Variants in WDR90 observed in about 807,000 individuals in gnomAD.
WDR90 encodes WD repeat domain 90.
A neutral mutation model predicts 195.2 loss-of-function variants in WDR90; 238 were observed. The ratio of observed to expected loss-of-function variants is 1.22; its 90% confidence interval spans 1.10 to 1.36. The LOEUF (loss-of-function observed/expected upper bound fraction) is 1.36, where lower values mean the gene tolerates loss of function less well. Ranked by LOEUF, WDR90 falls within the 40% of genes most tolerant of loss-of-function variation. The probability of loss-of-function intolerance (pLI) is 0.00; values close to 1 mark genes in which losing one functional copy is unlikely to be tolerated. For synonymous variants in WDR90, 1,265 were observed against 1,052.4 expected, an observed-to-expected ratio of 1.20 and a Z score of -3.91; for missense variants, 2,734 against 2,439.5, an observed-to-expected ratio of 1.12 and a Z score of -2.54.
chr16:661,845 G>A (rs1214763942), intron 31 of WDR90, 46 bp from the exon 32 acceptor site: 11 of 1,591,382 alleles, frequency 6.9e-6, no homozygotes, highest in Non-Finnish European at 9.4e-6. Context: ...AATCTGCCTG[G>A]GCCCCGGGAC....
intron 26 of WDR90, among the ~76,000 whole-genome samples, chr16:659,720 C>T (rs1187086332): frequency 6.6e-6 from 1 of 152,222 alleles, no homozygotes; most frequent in Non-Finnish European, 1.5e-5. Context: ...AGGAGGCTGG[C>T]AGGGCTGGAG....
At chr16:660,945 C>T (rs2037885351) in intron 28 of WDR90, 106 bp from the exon 29 acceptor site, 1 of 580,700 alleles carries the variant, frequency 1.7e-6, no homozygotes, top group Non-Finnish European at 2.2e-6. Flanking sequence ...TGGCCCCGCC[C>T]CACGGCTCGG....
In WDR90 at chr16:666,136, G is replaced by C. The variant is rs1304092706; in HGVS notation, c.4609+12G>C. The C allele has an allele frequency of 6.2e-7, 1 of 1,608,060 alleles. No homozygotes were observed. The highest frequency in any genetic ancestry group is 1.7e-5 in the Admixed American group (1 of 59,906). ...CTTCTCCACCGATGGTGAGGAGTTG[G>C]GTGTGTTGGGGATGGTGCCGTCCTG... On this transcript the variant is annotated intron_variant, in intron 36 of 40. Coordinates refer to ENST00000293879, the MANE Select transcript of WDR90 (RefSeq NM_145294.5).
chr16:655,276 T>C (rs1388990240), intron 14 of WDR90, 31 bp from the exon 15 acceptor site: 1 of 1,609,286 alleles, frequency 6.2e-7, no homozygotes, highest in Non-Finnish European at 8.5e-7. Context: ...CGCTGCGAGC[T>C]GCGGCAGTGC....
rs1218319399 is a variant in WDR90, at chr16:650,667, C to A, written c.517C>A (p.Leu173Met). ...LKSIRLCASL[L>M]VRNLYTSDLC... ...GAGCATCAGGCTGTGCGCCAGCCTG[C>A]TGGTCAGGAACCTGTACACCAGTGA... is the stretch of plus-strand genomic sequence containing the variant. Residue 173 changes from leucine to methionine, a missense_variant, in exon 5 of 41, where the codon CTG (leucine) becomes ATG (methionine). Leu to Met is a conservative substitution (Grantham distance 15). Transcript: ENST00000293879. 6.2e-7 allele frequency: 1 copy of A among 1,612,578 alleles called. No homozygotes were observed. Among genetic ancestry groups the A allele is most frequent in the African/African-American group, 1.3e-5 (1 of 75,054 alleles).
In WDR90 at chr16:665,998, C is replaced by T. The variant is rs770024500; in HGVS notation, c.4483C>T (p.Gln1495Ter). The change falls in exon 36 of 41, where the codon CAG becomes TAG. Residue 1495 changes from glutamine (Q) to a stop codon, truncating the protein, a stop_gained. Transcript: ENST00000293879. LOFTEE classifies it high-confidence loss of function. ...CCCCCCGTGCTGTGGCCGCCCTGAG[C>T]AGCAGCGGCTAGCGGCTGGCTACGG... ...WSPPCCGRPE[Q>*]QRLAAGYGDG... The T allele has an allele frequency of 5.6e-6, 9 of 1,603,758 alleles. No individual in the cohort carries two copies. In the Admixed American group the frequency reaches 1.3e-4, roughly 24 times the overall value.
chr16:657,198 A>G lies in WDR90; in HGVS notation c.2450A>G (p.Gln817Arg), dbSNP rs1487597349. ...SLAQYSCADP[Q>R]WHVLRVAADM... ...GCCCAGTACAGCTGTGCGGACCCCCAGTGGCATGTCCTCCGAGTGGCAGGT... is the reference window on the plus strand; with the variant it reads ...GCCCAGTACAGCTGTGCGGACCCCCGGTGGCATGTCCTCCGAGTGGCAGGT... Residue 817 changes from glutamine (Q) to arginine (R), a missense_variant, in exon 20 of 41, where the codon CAG (glutamine) becomes CGG (arginine). Gln to Arg is a conservative substitution (Grantham distance 43). Coordinates refer to ENST00000293879, the MANE Select transcript of WDR90 (RefSeq NM_145294.5). 1.9e-6 allele frequency: 3 copies of G among 1,553,556 alleles called. No homozygotes were observed. The highest frequency in any genetic ancestry group is 3.8e-5 in the Admixed American group (2 of 51,954).
intron 7 of WDR90, 143 bp downstream of exon 7, chr16:651,409 C>A: frequency 1.7e-6 from 2 of 1,149,058 alleles, no homozygotes; most frequent in Non-Finnish European, 2.5e-6. Context: ...GTAGGTTGTC[C>A]GAGTTCCCAG....
rs781497408 is a variant in WDR90 at position 650,611 on chromosome 16, T to C, written c.461T>C (p.Val154Ala). Residue 154 changes from valine to alanine, a missense_variant, in exon 5 of 41, where the codon GTC (valine) becomes GCC (alanine). By Grantham distance (64) the Val-to-Ala change is moderately conservative (BLOSUM62 0). Coordinates refer to ENST00000293879, the MANE Select transcript of WDR90 (RefSeq NM_145294.5). ...CTCGATCTGCAGGACGTTCTCCTGG[T>C]CTACCTGAACCGGTGCTACGGCCAT... ...LQLDLQDVLL[V>A]YLNRCYGHLK... 1.2e-6 allele frequency: 2 copies of C among 1,612,638 alleles called. No homozygotes were observed. Among genetic ancestry groups the C allele is most frequent in the Non-Finnish European group, 1.7e-6 (2 of 1,179,946 alleles).
chr16:665,429 G>C, intron 34 of WDR90: 1 of 609,254 alleles, frequency 1.6e-6, no homozygotes, highest in Admixed American at 2.9e-5. Flanking sequence ...TGTCAGAACA[G>C]CTTTCTCCTC....
Position 666,482 on chromosome 16 carries a change from G to A in WDR90, c.4768G>A (p.Asp1590Asn). The change falls in exon 38 of 41, where the codon GAC (aspartate) becomes AAC (asparagine). Residue 1590 changes from aspartate to asparagine, a missense_variant. Coordinates refer to ENST00000293879, the MANE Select transcript of WDR90 (RefSeq NM_145294.5). Reference protein sequence around the residue: ...ECEDLGVEGTDLWLAASGDQR... With the variant: ...ECEDLGVEGTNLWLAASGDQR... ...TGAAGACTTAGGGGTGGAGGGCACA[G>A]ACCTATGGCTGGCTGCCAGTGGGGA... is the stretch of plus-strand genomic sequence containing the variant. 2 of 1,612,678 alleles carry A rather than the reference G, an allele frequency of 1.2e-6. No homozygotes were observed. The highest frequency in any genetic ancestry group is 2.2e-5 in the South Asian group (2 of 91,062).
intron 26 of WDR90, 30 bp downstream of exon 26, chr16:659,406 G>A (rs1395601323): frequency 1.3e-6 from 2 of 1,580,886 alleles, no homozygotes; most frequent in Admixed American, 1.8e-5. Flanking sequence ...GAGGAGTGGG[G>A]GGATTCGGGG....
At position 650,979 on chromosome 16, in the gene WDR90, A is replaced by G. The variant is rs769477648; in HGVS notation, c.560-16A>G. 1.9e-6 allele frequency: 3 copies of G among 1,612,454 alleles called. No homozygotes were observed. The highest frequency in any genetic ancestry group is 2.5e-6 in the Non-Finnish European group (3 of 1,179,680). ...AAACAGCCTCCCTTGACCTGGAACAACCCTGCTCCTTGTAGCCATCTCTGG... is the reference window on the plus strand; with the variant it reads ...AAACAGCCTCCCTTGACCTGGAACAGCCCTGCTCCTTGTAGCCATCTCTGG... On this transcript the variant is annotated splice_polypyrimidine_tract_variant and intron_variant, in intron 5 of 40. Transcript: ENST00000293879.
chr16:650,848 G>T, intron 5 of WDR90, 139 bp downstream of exon 5: 2 of 1,474,294 alleles, frequency 1.4e-6, no homozygotes, highest in Non-Finnish European at 1.8e-6. Context: ...CCATCCCAGA[G>T]GCAGCCCTGG....
chr16:650,021 A>T lies in WDR90; in HGVS notation c.133A>T (p.Ile45Phe). Residue 45 changes from isoleucine to phenylalanine, a missense_variant, in exon 3 of 41, where the codon ATT becomes TTT. Physicochemically the swap from Ile to Phe is conservative, Grantham distance 21. Transcript: ENST00000293879. ...GACCCTGAAGGGCGCCGTGTATCGC[A>T]TTCGGGGCTCAGTCTCTGCCGCCAA... is the stretch of plus-strand genomic sequence containing the variant. ...DKTLKGAVYR[I>F]RGSVSAANYI... 1 of 1,612,818 alleles carries T rather than the reference A, an allele frequency of 6.2e-7. No homozygotes were observed. Among genetic ancestry groups the T allele is most frequent in the Non-Finnish European group, 8.5e-7 (1 of 1,179,968 alleles).
In WDR90 at chr16:656,532, C is replaced by T. The variant is rs1284851998; in HGVS notation, c.2197C>T (p.Gln733Ter). ...CCGCATCTGGGACCTGGCCACCCTG[C>T]AGCAGGTGGGGTTTGGCAGGGGCAG... The part of the protein sequence containing the change: ...TVRIWDLATL[Q>*]QLYDFTSSED... The change falls in exon 18 of 41, where the codon CAG (glutamine) becomes TAG (stop). Residue 733 changes from glutamine to a stop codon, truncating the protein, a stop_gained. Coordinates refer to ENST00000293879, the MANE Select transcript of WDR90 (RefSeq NM_145294.5). LOFTEE classifies it high-confidence loss of function. The T allele has an allele frequency of 1.1e-5, 17 of 1,569,144 alleles. No individual in the cohort carries two copies. Among genetic ancestry groups the T allele is most frequent in the Middle Eastern group, 1.7e-4 (1 of 5,824 alleles).
At position 658,884 on chromosome 16, in the gene WDR90, C is replaced by T. The variant is rs554820412; in HGVS notation, c.2896-12C>T. ...CGCCTCGGGGTCCTGCATGTGACGC[C>T]GCTACCCCTAGGTGTACATCGGCCA... is the stretch of plus-strand genomic sequence containing the variant. On this transcript the variant is annotated splice_polypyrimidine_tract_variant and intron_variant, in intron 23 of 40. Transcript: ENST00000293879. 58 of 1,610,670 alleles carry T rather than the reference C, an allele frequency of 3.6e-5. No homozygotes were observed. Among genetic ancestry groups the T allele is most frequent in the East Asian group, 2.0e-4 (9 of 44,882 alleles).
chr16:663,512 C>G (rs2037961431), intron 34 of WDR90: 1 of 196,424 alleles, frequency 5.1e-6, no homozygotes. Flanking sequence ...GACTCAGTCT[C>G]ATGGGATTGT....
At chr16:657,046 TG>T (rs1468196100) in intron 19 of WDR90, 44 bp from the exon 20 acceptor site, 13 of 1,588,952 alleles carry the variant, frequency 8.2e-6, no homozygotes, top group African/African-American at 5.4e-5. Flanking sequence ...CCATGGTACC[TG>T]GGCTTCGGGG....
Sources: allele counts gnomAD v4.1 joint callset (sites outside exome capture counted in the v4.1 genomes callset), GRCh38; gene constraint gnomAD v4.1.1; transcripts MANE v1.5; gene names NCBI Gene and HGNC (gene_info 2026-07-23, HGNC 2026-07-21).